Variants in HIPK2 observed in about 807,000 individuals in gnomAD.
HIPK2 encodes the protein homeodomain-interacting protein kinase 2.
Under a neutral mutation model 113.7 loss-of-function variants are expected in HIPK2, and 27 were observed. The ratio of observed to expected loss-of-function variants is 0.24; its 90% CI spans 0.17 to 0.33. The LOEUF (loss-of-function observed/expected upper bound fraction) is 0.33. Among genes scored for constraint, HIPK2 ranks in the 10% least tolerant of loss-of-function variants. The pLI is 1.00. For missense variants in HIPK2, 1,257 were observed against 1,588.0 expected (o/e 0.79, Z 3.54); for synonymous variants, 631 against 642.2 (o/e 0.98, Z 0.26).
intron 2 of HIPK2, among the ~76,000 whole-genome samples, chr7:139,705,208 G>A (rs1404024382): frequency 1.3e-5 from 2 of 152,258 alleles, no homozygotes; most frequent in South Asian, 2.1e-4. Flanking sequence ...TGTCACAGAA[G>A]CATGGATCTG....
chr7:139,734,238 A>C (rs549363154), intron 1 of HIPK2, among the ~76,000 whole-genome samples: 5 of 152,190 alleles, frequency 3.3e-5, no homozygotes, highest in Non-Finnish European at 5.9e-5. Context: ...CAGGAGATCA[A>C]TGTGTCAAAT....
intron 13 of HIPK2, among the ~76,000 whole-genome samples, chr7:139,578,127 A>G (rs1453069496): frequency 6.6e-6 from 1 of 152,122 alleles, no homozygotes; most frequent in Non-Finnish European, 1.5e-5. Flanking sequence ...CTCCTGCCTC[A>G]GCCTCCCGAG....
In HIPK2 at chr7:139,683,560, G is replaced by A. The variant is rs1794122684; in HGVS notation, c.1103+32372C>T. The stretch of plus-strand genomic sequence containing the variant: ...GCAGAACCTCTCAGAATCTAATCTT[G>A]GAAGTGAAACACCGTCATTTCTGCC... On this transcript the variant is annotated intron_variant, in intron 2 of 14. Transcript: ENST00000406875. This position sits in a 1 kb window ranked among gnomAD's most constrained non-coding sequence, Gnocchi z 4.2. Among the ~76,000 whole-genome samples the A allele has an allele frequency of 6.6e-6, 1 of 152,118 alleles. No homozygotes were observed. The highest frequency in any genetic ancestry group is 6.6e-5 in the Admixed American group (1 of 15,260).
At chr7:139,627,315 T>TATGC (rs1259413794) in intron 5 of HIPK2, among the ~76,000 whole-genome samples, 1 of 151,644 alleles carries the variant, frequency 6.6e-6, no homozygotes, top group East Asian at 1.9e-4. Flanking sequence ...TGTATGTATG[T>TATGC]ATGTATGTAT....
At chr7:139,723,834 AT>A (rs1795490215) in intron 1 of HIPK2, among the ~76,000 whole-genome samples, 1 of 152,172 alleles carries the variant, frequency 6.6e-6, no homozygotes, top group South Asian at 2.1e-4. Context: ...GTAATATTTA[AT>A]TTGGGTTTGG....
At chr7:139,758,462 G>T (rs1796397528) in intron 1 of HIPK2, among the ~76,000 whole-genome samples, 1 of 151,756 alleles carries the variant, frequency 6.6e-6, no homozygotes, top group South Asian at 2.1e-4. Context: ...CTCTAAAACA[G>T]GGGTCCCCAA....
rs1277831491 is a variant in HIPK2 at position 139,604,111 on chromosome 7, A to G, written c.2225T>C (p.Met742Thr). 3 of 1,613,836 alleles carry G rather than the reference A, an allele frequency of 1.9e-6. No homozygotes were observed. The highest frequency in any genetic ancestry group is 2.5e-6 in the Non-Finnish European group (3 of 1,179,848). ...VQHATVIPET[M>T]AGTQQLADWR... Reference sequence around the variant, plus strand: ...GTCCGCCAGCTGCTGGGTGCCTGCCATGGTCTCGGGAATCACGGTGGCATG... The same window carrying G: ...GTCCGCCAGCTGCTGGGTGCCTGCCGTGGTCTCGGGAATCACGGTGGCATG... Residue 742 changes from methionine to threonine, a missense_variant, in exon 10 of 15, where the codon ATG (methionine) becomes ACG (threonine). Around this residue, in one of 5 missense-constraint regions of HIPK2, gnomAD observed 862 missense variants for 1,004.3 expected, o/e 0.86. Coordinates refer to ENST00000406875, the MANE Select transcript of HIPK2 (RefSeq NM_022740.5).
At chr7:139,582,825 T>TG (rs1798711583) in intron 13 of HIPK2, among the ~76,000 whole-genome samples, 1 of 152,136 alleles carries the variant, frequency 6.6e-6, no homozygotes, top group South Asian at 2.1e-4. Context: ...CCTGAGGCAC[T>TG]GGGCTGGAAA....
chr7:139,617,440 G>A (rs1272712529), intron 7 of HIPK2, among the ~76,000 whole-genome samples: 1 of 152,192 alleles, frequency 6.6e-6, no homozygotes, highest in Non-Finnish European at 1.5e-5. Context: ...TGTAGTAGAC[G>A]TTCAAATGGT....
intron 10 of HIPK2, among the ~76,000 whole-genome samples, chr7:139,603,516 A>G (rs969585559): frequency 6.6e-6 from 1 of 151,998 alleles, no homozygotes; most frequent in African/African-American, 2.4e-5. Flanking sequence ...GTGTGTGGGA[A>G]GTAGACTCTG....
chr7:139,576,142 A>T (rs1377466259), intron 13 of HIPK2, among the ~76,000 whole-genome samples: 1 of 152,240 alleles, frequency 6.6e-6, no homozygotes, highest in Non-Finnish European at 1.5e-5. Flanking sequence ...TAACCCTCAG[A>T]GTCACCTGGT....
chr7:139,720,906 G>A (rs893789070), intron 1 of HIPK2, among the ~76,000 whole-genome samples: 2 of 152,214 alleles, frequency 1.3e-5, no homozygotes, highest in African/African-American at 4.8e-5. Flanking sequence ...CCACGGTGCA[G>A]AAGTGGAATT....
intron 2 of HIPK2, among the ~76,000 whole-genome samples, chr7:139,699,672 C>A (rs1039966690): frequency 1.3e-5 from 2 of 152,306 alleles, no homozygotes; most frequent in Non-Finnish European, 2.9e-5. Context: ...ATGGCAGAAC[C>A]CCTCACCCTT....
At chr7:139,580,473 C>T (rs1433982901) in intron 13 of HIPK2, among the ~76,000 whole-genome samples, 1 of 152,296 alleles carries the variant, frequency 6.6e-6, no homozygotes, top group Middle Eastern at 3.4e-3. Context: ...ATGGACAAAG[C>T]GACAATGGGC....
At chr7:139,659,960 T>C (rs1801810506) in intron 2 of HIPK2, among the ~76,000 whole-genome samples, 1 of 152,252 alleles carries the variant, frequency 6.6e-6, no homozygotes. Flanking sequence ...ACACCTATAC[T>C]TCAGCTCTCT....
At chr7:139,668,960 A>G (rs896371456) in intron 2 of HIPK2, among the ~76,000 whole-genome samples, 1 of 151,932 alleles carries the variant, frequency 6.6e-6, no homozygotes, top group Non-Finnish European at 1.5e-5. Flanking sequence ...TAATCAAATA[A>G]CCATGAAAGA....
intron 1 of HIPK2, among the ~76,000 whole-genome samples, chr7:139,725,403 G>A (rs139990558): frequency 6.6e-5 from 10 of 152,288 alleles, no homozygotes; most frequent in East Asian, 1.9e-4. Flanking sequence ...TGGCGGGAGC[G>A]GCCAGCACTG....
At chr7:139,633,454 T>C (rs2116907386) in intron 2 of HIPK2, among the ~76,000 whole-genome samples, 1 of 152,248 alleles carries the variant, frequency 6.6e-6, no homozygotes, top group African/African-American at 2.4e-5. Flanking sequence ...ATAATAGTAT[T>C]GAAAAGAAGA....
Position 139,714,176 on chromosome 7 carries a change from G to T in HIPK2, c.1103+1756C>A, listed in dbSNP as rs535346543. 9.8e-5 allele frequency among the ~76,000 whole-genome samples: 15 copies of T among 152,346 alleles called. No homozygotes were observed. The highest frequency in any genetic ancestry group is 8.3e-4 in the South Asian group (4 of 4,832). Reference sequence around the variant, plus strand: ...CCTGTGGAGACCTTTCTGCGCATAGGAAATGAGCGGGAAAGGAATCCTCAG... The same window carrying T: ...CCTGTGGAGACCTTTCTGCGCATAGTAAATGAGCGGGAAAGGAATCCTCAG... On this transcript the variant is annotated intron_variant, in intron 2 of 14. Coordinates refer to ENST00000406875, the MANE Select transcript of HIPK2 (RefSeq NM_022740.5). The surrounding 1 kb of genome is among the most constrained non-coding windows in gnomAD (Gnocchi z 4.2).
Sources: gnomAD v4.1 joint callset for allele counts (sites outside exome capture counted in the v4.1 genomes callset) on GRCh38, gnomAD v4.1.1 for gene constraint, gnomAD v4.1.1 regional missense constraint, Gnocchi (gnomAD v3.1) non-coding constraint, MANE v1.5 for transcripts, NCBI Gene and HGNC (gene_info 2026-07-23, HGNC 2026-07-21) for gene names.